The following CBLB variants were observed in gnomAD, a reference collection of about 807,000 sequenced individuals.
The protein encoded by CBLB is Cbl proto-oncogene B, also known as E3 ubiquitin-protein ligase CBL-B.
A neutral mutation model predicts 104.9 loss-of-function variants in CBLB; 31 were observed. That is an observed-to-expected ratio of 0.30 (90% CI 0.22 to 0.40). The LOEUF (loss-of-function observed/expected upper bound fraction) is 0.40, where lower values mean the gene tolerates loss of function less well. CBLB is among the 10% of genes least tolerant of loss of function. The pLI is 1.00. For synonymous variants in CBLB, 440 were observed against 422.6 expected (o/e 1.04, Z -0.51); for missense variants, 1,062 against 1,214.6 (o/e 0.87, Z 1.87).
chr3:105,849,102 G>A (rs559946774), intron 3 of CBLB, among the ~76,000 whole-genome samples: 6 of 152,230 alleles, frequency 3.9e-5, no homozygotes, highest in Non-Finnish European at 8.8e-5. Flanking sequence ...AGAGCTCCAT[G>A]TGCAATGGCA....
At chr3:105,780,672 T>G (rs557363392) in intron 3 of CBLB, among the ~76,000 whole-genome samples, 1 of 138,976 alleles carries the variant, frequency 7.2e-6, no homozygotes, top group Non-Finnish European at 1.6e-5. Context: ...TTTTTTTTTT[T>G]TTTTTTTTGA....
At chr3:105,733,946 A>C in intron 9 of CBLB, 63 bp downstream of exon 9, 1 of 1,501,784 alleles carries the variant, frequency 6.7e-7, no homozygotes, top group South Asian at 1.1e-5. Flanking sequence ...CCATTAAGAA[A>C]ACTGAAAAGA....
At chr3:105,778,712 T>C (rs552343743) in intron 3 of CBLB, among the ~76,000 whole-genome samples, 2 of 152,296 alleles carry the variant, frequency 1.3e-5, no homozygotes, top group South Asian at 4.1e-4. Flanking sequence ...TGTTACATCA[T>C]TTTATTAGAT....
upstream of CBLB, chr3:105,869,063 G>GGGGGC (rs1231675138): frequency 3.8e-6 from 4 of 1,058,808 alleles, no homozygotes; most frequent in African/African-American, 1.8e-5. Flanking sequence ...GGGGCGGGGC[G>GGGGGC]GGGGCGGGGC....
chr3:105,681,515 T>C lies in CBLB; in HGVS notation c.2392A>G (p.Thr798Ala), dbSNP rs116285171. 6.2e-7 allele frequency: 1 copy of C among 1,614,044 alleles called. No individual in the cohort carries two copies. The highest frequency in any genetic ancestry group is 2.2e-5 in the East Asian group (1 of 44,860). The stretch of plus-strand genomic sequence containing the variant: ...ATGAGAAGATCATAATCAGAGGGCG[T>C]CCTGTTGAGTGAAGAACCATGCTTT... ...NPKHGSSLNR[T>A]PSDYDLLIPP... is the part of the protein sequence containing the mutation. Residue 798 changes from threonine (T) to alanine (A), a missense_variant, in exon 16 of 19, where the codon ACG (threonine) becomes GCG (alanine). Coordinates refer to ENST00000394030, the MANE Select transcript of CBLB (RefSeq NM_170662.5).
chr3:105,799,620 C>A (rs1265317029), intron 3 of CBLB, among the ~76,000 whole-genome samples: 1 of 152,022 alleles, frequency 6.6e-6, no homozygotes, highest in Non-Finnish European at 1.5e-5. Context: ...CATATATTTC[C>A]AAAATTTCTA....
At chr3:105,869,341 A>G, upstream of CBLB, 1 of 1,328,774 alleles carries the variant, frequency 7.5e-7, no homozygotes, top group East Asian at 4.0e-5. Flanking sequence ...GCTAACCAAT[A>G]AGGGGTGGCA....
intron 4 of CBLB, among the ~76,000 whole-genome samples, chr3:105,763,483 T>G (rs2077883543): frequency 6.6e-6 from 1 of 152,186 alleles, no homozygotes; most frequent in Admixed American, 6.5e-5. Context: ...CACAAACTAT[T>G]CTTGTGGTAG....
intron 4 of CBLB, among the ~76,000 whole-genome samples, chr3:105,764,508 G>T (rs1257045931): frequency 6.6e-6 from 1 of 152,230 alleles, no homozygotes; most frequent in East Asian, 1.9e-4. Flanking sequence ...AAACTTAATG[G>T]TATATGTTCT....
chr3:105,679,946 T>C (rs1003049363), intron 16 of CBLB, among the ~76,000 whole-genome samples: 3 of 152,170 alleles, frequency 2.0e-5, no homozygotes, highest in Admixed American at 6.6e-5. Context: ...CAAATCTTTT[T>C]TCAGCCCTTA....
chr3:105,664,494 A>G (rs557136490), intron 18 of CBLB, among the ~76,000 whole-genome samples: 1 of 152,346 alleles, frequency 6.6e-6, no homozygotes, highest in South Asian at 2.1e-4. Flanking sequence ...AGAAGGCTGC[A>G]CTTGAAAATG....
intron 2 of CBLB, among the ~76,000 whole-genome samples, chr3:105,861,859 A>T (rs2092123876): frequency 6.6e-6 from 1 of 152,108 alleles, no homozygotes; most frequent in South Asian, 2.1e-4. Flanking sequence ...ACATAAGTTA[A>T]ACTGCTCCAC....
chr3:105,863,546 A>T (rs2092254690), intron 2 of CBLB, among the ~76,000 whole-genome samples: 1 of 152,238 alleles, frequency 6.6e-6, no homozygotes, highest in Non-Finnish European at 1.5e-5. Flanking sequence ...TCTTTCAGAG[A>T]TATGAGGAAC....
intron 18 of CBLB, among the ~76,000 whole-genome samples, chr3:105,666,158 T>A (rs2064432327): frequency 6.6e-6 from 1 of 152,198 alleles, no homozygotes; most frequent in Non-Finnish European, 1.5e-5. Flanking sequence ...ACATACTGTC[T>A]AAATTTACTT....
chr3:105,749,177 C>T (rs2152902958), intron 5 of CBLB, among the ~76,000 whole-genome samples: 1 of 152,244 alleles, frequency 6.6e-6, no homozygotes, highest in South Asian at 2.1e-4. Flanking sequence ...TTAAGGCACA[C>T]ATACGATTAT....
At position 105,670,306 on chromosome 3, in the gene CBLB, A is replaced by G. The variant is rs1017878883; in HGVS notation, c.2616T>C (p.Ala872=). 10 of 1,611,134 alleles carry G rather than the reference A, an allele frequency of 6.2e-6. No homozygotes were observed. Among genetic ancestry groups the G allele is most frequent in the African/African-American group, 4.0e-5 (3 of 74,844 alleles). The change falls in exon 18 of 19, where the codon GCT becomes GCC. Residue 872 remains alanine, a synonymous_variant. Transcript: ENST00000394030. ...TGACATTTTCACCTGGTAACCTTCT[A>G]GCAGGAGGCAAAGGAACTTGGCCAC... The part of the protein sequence containing the change: ...LASGQVPLPP[A]RRLPGENVKT...
intron 4 of CBLB, among the ~76,000 whole-genome samples, chr3:105,770,653 G>C (rs565637091): frequency 3.2e-4 from 48 of 152,286 alleles, no homozygotes; most frequent in African/African-American, 1.2e-3. Context: ...AGGAGCATAG[G>C]AGCTGGGTGC....
At chr3:105,757,204 A>T (rs1156835072) in intron 4 of CBLB, among the ~76,000 whole-genome samples, 1 of 152,190 alleles carries the variant, frequency 6.6e-6, no homozygotes, top group Non-Finnish European at 1.5e-5. Flanking sequence ...GCTATAAAGA[A>T]ATACCTGAGA....
chr3:105,768,736 T>C (rs1392783553), intron 4 of CBLB, among the ~76,000 whole-genome samples: 1 of 152,178 alleles, frequency 6.6e-6, no homozygotes, highest in Non-Finnish European at 1.5e-5. Context: ...TAAATGTGTC[T>C]AAAATACAAC....
Sources: allele counts gnomAD v4.1 joint callset (sites outside exome capture counted in the v4.1 genomes callset), GRCh38; gene constraint gnomAD v4.1.1; transcripts MANE v1.5; gene names NCBI Gene and HGNC (gene_info 2026-07-23, HGNC 2026-07-21).